The following TCF3 variants were observed in gnomAD, a reference collection of about 807,000 sequenced individuals.
TCF3 encodes the protein transcription factor E2-alpha.
Under a neutral mutation model 72.3 loss-of-function variants are expected in TCF3, and 54 were observed. The observed-to-expected ratio is 0.75, with a 90% CI of 0.60 to 0.94. The LOEUF (loss-of-function observed/expected upper bound fraction) is 0.94, where lower values mean the gene tolerates loss of function less well. Among genes scored for constraint, TCF3 ranks in the 40% least tolerant of loss-of-function variants. The probability of loss-of-function intolerance (pLI) is 0.00; values close to 1 mark genes in which losing one functional copy is unlikely to be tolerated. For missense variants in TCF3, 1,078 were observed against 934.4 expected (o/e 1.15, Z -2.00); for synonymous variants, 525 against 412.6 (o/e 1.27, Z -3.30).
Position 1,625,593 on chromosome 19 carries a change from G to C in TCF3, c.482C>G (p.Ala161Gly). ...CCGCTCACCTAGGCTGCCGTCTGCC[G>C]CTCTCCGCCGGGAGCTGCCGGAGTA... Reference protein sequence around the residue: ...PSYSGSSRRRAADGSLDTQPK... With the variant: ...PSYSGSSRRRGADGSLDTQPK... The change falls in exon 7 of 19, where the codon GCG (alanine) becomes GGG (glycine). Residue 161 changes from alanine to glycine, a missense_variant. Transcript: ENST00000262965. 6.3e-7 allele frequency: 1 copy of C among 1,584,954 alleles called. No individual in the cohort carries two copies. The highest frequency in any genetic ancestry group is 8.6e-7 in the Non-Finnish European group (1 of 1,168,358).
chr19:1,613,258 C>T (rs118087435), intron 18 of TCF3, among the ~76,000 whole-genome samples: 468 of 152,256 alleles, frequency 3.1e-3, no homozygotes, highest in Non-Finnish European at 4.0e-3. Context: ...TGTGTGTGTA[C>T]GCGACTGGCT....
Position 1,637,580 on chromosome 19 carries a change from G to A in TCF3, c.146-5175C>T, listed in dbSNP as rs1468285941. On this transcript the variant is annotated intron_variant, in intron 3 of 18. Coordinates refer to ENST00000262965, the MANE Select transcript of TCF3 (RefSeq NM_003200.5). ...GGCATCACCAGTGACACCTGAGTGTGGGGACCGGAGAACCTGCCCCTCAAA... is the reference window on the plus strand; with the variant it reads ...GGCATCACCAGTGACACCTGAGTGTAGGGACCGGAGAACCTGCCCCTCAAA... Among the ~76,000 whole-genome samples the A allele has an allele frequency of 2.0e-5, 3 of 152,162 alleles. No homozygotes were observed. In the East Asian group the frequency reaches 5.8e-4, roughly 29 times the overall value.
chr19:1,641,749 A>T (rs1254901408), intron 3 of TCF3, among the ~76,000 whole-genome samples: 2 of 151,918 alleles, frequency 1.3e-5, no homozygotes, highest in Admixed American at 1.3e-4. Flanking sequence ...CACCGCACCC[A>T]GCTGAAATTT....
chr19:1,627,741 G>C (rs1428848887), intron 5 of TCF3, among the ~76,000 whole-genome samples: 3 of 152,110 alleles, frequency 2.0e-5, no homozygotes, highest in Admixed American at 1.3e-4. Flanking sequence ...CCCTGCCCAG[G>C]GGGTGGGGCG....
intron 3 of TCF3, among the ~76,000 whole-genome samples, chr19:1,638,439 C>T (rs972161603): frequency 6.6e-6 from 1 of 152,178 alleles, no homozygotes; most frequent in Admixed American, 6.5e-5. Context: ...CCCACCACCG[C>T]GCCCGGCTAA....
At position 1,611,253 on chromosome 19, in the gene TCF3, T is replaced by C; in HGVS notation, c.*454A>G. 5 of 308,592 alleles carry C rather than the reference T, an allele frequency of 1.6e-5. No homozygotes were observed. The East Asian group carries it at 2.4e-4, about 15-fold the overall frequency. 19.1% of individuals were successfully genotyped at this position (308,592 alleles called of 1,614,324 possible). ...GGTGGCTTTAGAAGAATAAGCCAGG[T>C]TTCCACAGCATCCCCCTTGAGTGAT... is the stretch of plus-strand genomic sequence containing the variant. On this transcript the variant is annotated 3_prime_UTR_variant, in exon 19 of 19. Coordinates refer to ENST00000262965, the MANE Select transcript of TCF3 (RefSeq NM_003200.5).
At chr19:1,613,525 TC>T (rs36040949) in intron 18 of TCF3, among the ~76,000 whole-genome samples, 1 of 152,054 alleles carries the variant, frequency 6.6e-6, no homozygotes, top group Non-Finnish European at 1.5e-5. Context: ...ATGATGACTT[TC>T]CCTGCTCAGA....
In TCF3 at chr19:1,614,610, AC is replaced by A. The variant is rs2061365586; in HGVS notation, c.1822+674del. Among the ~76,000 whole-genome samples the A allele has an allele frequency of 6.6e-6, 1 of 152,156 alleles. No homozygotes were observed. The highest frequency in any genetic ancestry group is 2.4e-5 in the African/African-American group (1 of 41,442). ...CGGGGCTCTGGCTCCGGTCCCAGCA[AC>A]AGTGCTGCAGGAGAGAAAGGGTTAA... On this transcript the variant is annotated intron_variant, in intron 18 of 18. Transcript: ENST00000262965. This position sits in a 1 kb window ranked among gnomAD's most constrained non-coding sequence, Gnocchi z 5.6.
In TCF3 at chr19:1,614,155, C is replaced by T. The variant is rs920718077; in HGVS notation, c.1822+1130G>A. ...GGTGAAGGTCTGGCCCAGTGCCCAG[C>T]ATGCCTGGTGCCCTGTCTTAGTCTC... On this transcript the variant is annotated intron_variant, in intron 18 of 18. Transcript: ENST00000262965. The surrounding 1 kb of genome is among the most constrained non-coding windows in gnomAD (Gnocchi z 5.6). Among the ~76,000 whole-genome samples the T allele has an allele frequency of 6.6e-6, 1 of 152,248 alleles. No individual in the cohort carries two copies. Among genetic ancestry groups the T allele is most frequent in the Admixed American group, 6.5e-5 (1 of 15,290 alleles).
rs1221523242 is a variant in TCF3, at chr19:1,632,438, C to T, written c.146-33G>A. The T allele has an allele frequency of 3.8e-6, 6 of 1,558,692 alleles. No individual in the cohort carries two copies. The Middle Eastern group carries it at 5.1e-4, about 131-fold the overall frequency. ...CAGGACAGAGAGAGTTATGGGTCAC[C>T]CTCACGCCTGCCCAGCTCTAAAAGC... On this transcript the variant is annotated intron_variant, in intron 3 of 18. Transcript: ENST00000262965.
At chr19:1,621,812 G>T in intron 11 of TCF3, 26 bp downstream of exon 11, 1 of 1,565,594 alleles carries the variant, frequency 6.4e-7, no homozygotes, top group Non-Finnish European at 8.6e-7. Flanking sequence ...CCCTCGGAGA[G>T]GCCGCATCCC....
chr19:1,647,195 G>A (rs1006195249), intron 2 of TCF3, among the ~76,000 whole-genome samples: 3 of 149,906 alleles, frequency 2.0e-5, no homozygotes, highest in African/African-American at 7.3e-5. Flanking sequence ...AGAACACTAA[G>A]TCCCTAAAGA....
At chr19:1,645,621 T>C (rs1187057052) in intron 3 of TCF3, among the ~76,000 whole-genome samples, 1 of 152,194 alleles carries the variant, frequency 6.6e-6, no homozygotes, top group Non-Finnish European at 1.5e-5. Context: ...AGACCTTCAC[T>C]AGAGGTCCCG....
intron 3 of TCF3, among the ~76,000 whole-genome samples, chr19:1,635,743 A>G (rs1211095803): frequency 1.3e-5 from 2 of 152,216 alleles, no homozygotes; most frequent in Non-Finnish European, 2.9e-5. Flanking sequence ...GCACATTAAA[A>G]ATTACATTTA....
intron 1 of TCF3, chr19:1,650,918 C>T (rs997370378): frequency 1.3e-5 from 3 of 230,924 alleles, no homozygotes; most frequent in Non-Finnish European, 1.7e-5. Context: ...CTTTCCTCCA[C>T]CCTCAATCTC....
chr19:1,619,910 G>C (rs78722031), intron 13 of TCF3, 57 bp from the exon 14 acceptor site: 1 of 1,411,868 alleles, frequency 7.1e-7, no homozygotes, highest in African/African-American at 1.4e-5. Flanking sequence ...AGCATGGCCT[G>C]ATGCCCATGG....
intron 3 of TCF3, among the ~76,000 whole-genome samples, chr19:1,644,868 C>G (rs895787794): frequency 1.3e-5 from 2 of 151,400 alleles, no homozygotes; most frequent in Admixed American, 1.3e-4. Flanking sequence ...TGGGGGTGGA[C>G]GGCCTTGGGA....
intron 6 of TCF3, 81 bp downstream of exon 6, chr19:1,627,278 A>G: frequency 1.8e-6 from 2 of 1,131,176 alleles, no homozygotes; most frequent in South Asian, 2.7e-5. Flanking sequence ...CTAAGCCAGG[A>G]GAGCTTCTGC....
At chr19:1,621,357 G>T (rs982047614) in intron 11 of TCF3, among the ~76,000 whole-genome samples, 166 bp from the exon 12 acceptor site, 2 of 152,262 alleles carry the variant, frequency 1.3e-5, no homozygotes, top group African/African-American at 2.4e-5. Context: ...CTCTGCAGGG[G>T]TTGAGGCACT....
Sources: allele counts gnomAD v4.1 joint callset (sites outside exome capture counted in the v4.1 genomes callset), GRCh38; gene constraint gnomAD v4.1.1; non-coding constraint Gnocchi (gnomAD v3.1); transcripts MANE v1.5; gene names NCBI Gene and HGNC (gene_info 2026-07-23, HGNC 2026-07-21).